Variants in PDE3B observed in about 807,000 individuals in gnomAD.
PDE3B encodes the protein cGMP-inhibited 3',5'-cyclic phosphodiesterase 3B.
A neutral mutation model predicts 116.8 loss-of-function variants in PDE3B; 66 were observed. The observed-to-expected ratio is 0.56, with a 90% CI of 0.46 to 0.69. The LOEUF is 0.69. Ranked by LOEUF, PDE3B falls within the 30% of genes least tolerant of loss-of-function variation. The pLI is 0.00. For synonymous variants in PDE3B, 595 were observed against 533.6 expected (o/e 1.12, Z -1.59); for missense variants, 1,384 against 1,368.1 (o/e 1.01, Z -0.18).
intron 7 of PDE3B, among the ~76,000 whole-genome samples, chr11:14,826,824 C>T (rs573634900): frequency 7.2e-5 from 11 of 152,158 alleles, no homozygotes; most frequent in African/African-American, 2.6e-4. Flanking sequence ...TACTATGAGG[C>T]CAGCATCATT....
chr11:14,648,824 T>G (rs1853486008), intron 1 of PDE3B, among the ~76,000 whole-genome samples: 1 of 152,132 alleles, frequency 6.6e-6, no homozygotes, highest in South Asian at 2.1e-4. Flanking sequence ...TTCTAGCTAT[T>G]TGAGGGCTGC....
intron 1 of PDE3B, among the ~76,000 whole-genome samples, chr11:14,670,097 G>T (rs1448914078): frequency 6.6e-6 from 1 of 152,068 alleles, no homozygotes; most frequent in African/African-American, 2.4e-5. Flanking sequence ...ACACATAGCG[G>T]CTTAGTGCAA....
At chr11:14,715,731 T>G (rs1855859403) in intron 1 of PDE3B, among the ~76,000 whole-genome samples, 1 of 152,228 alleles carries the variant, frequency 6.6e-6, no homozygotes, top group Admixed American at 6.5e-5. Context: ...CCTCTTTTCC[T>G]AATTGAACAC....
intron 1 of PDE3B, among the ~76,000 whole-genome samples, chr11:14,750,331 C>T (rs1857025006): frequency 6.6e-6 from 1 of 151,840 alleles, no homozygotes; most frequent in African/African-American, 2.4e-5. Context: ...AATTTGTATC[C>T]TTATATTTAC....
At chr11:14,880,669 G>C in the PDE3B span, 182 of 1,597,596 alleles carry the variant, frequency 1.1e-4, no homozygotes, top group African/African-American at 2.2e-3. Context: ...CAAGATTTTA[G>C]ATTCAAAAGA....
chr11:14,662,539 CAAAG>C lies in PDE3B; in HGVS notation c.978+17489_978+17492del, dbSNP rs1176543919. Among the ~76,000 whole-genome samples the C allele has an allele frequency of 2.0e-5, 3 of 151,904 alleles. No individual in the cohort carries two copies. The East Asian group carries it at 5.8e-4, about 29-fold the overall frequency. On this transcript the variant is annotated intron_variant, in intron 1 of 15. Coordinates refer to ENST00000282096, the MANE Select transcript of PDE3B (RefSeq NM_000922.4). ...TACAGGAAGAAATTCAAACCAAAGG[CAAAG>C]AAGTTGAAAACTTTGAAAAAAATTT...
intron 1 of PDE3B, among the ~76,000 whole-genome samples, chr11:14,762,329 G>T (rs1032282828): frequency 2.0e-5 from 3 of 152,100 alleles, no homozygotes; most frequent in African/African-American, 7.2e-5. Flanking sequence ...CATATTTTAA[G>T]TGCTGCTTTA....
chr11:14,850,681 T>G (rs1847726935), intron 12 of PDE3B, among the ~76,000 whole-genome samples: 3 of 152,304 alleles, frequency 2.0e-5, no homozygotes, highest in Middle Eastern at 3.4e-3. Context: ...TTCTGGTATA[T>G]TATTTTTGTA....
intron 1 of PDE3B, among the ~76,000 whole-genome samples, chr11:14,733,056 A>G (rs1856503762): frequency 6.6e-6 from 1 of 152,216 alleles, no homozygotes; most frequent in African/African-American, 2.4e-5. Flanking sequence ...AAATCGATAT[A>G]CCTATTTTTT....
chr11:14,880,061 C>T, the PDE3B span: 1 of 1,488,492 alleles, frequency 6.7e-7, no homozygotes, highest in Non-Finnish European at 9.3e-7. Context: ...ATGTATTGTG[C>T]ATGGCCAAGA....
intron 14 of PDE3B, among the ~76,000 whole-genome samples, chr11:14,866,754 C>A (rs1648230104): frequency 6.6e-6 from 1 of 152,098 alleles, no homozygotes; most frequent in South Asian, 2.1e-4. Context: ...TTAATAGTAC[C>A]ATTTGGAGAA....
At chr11:14,860,916 TATATAC>T (rs2059279234) in intron 13 of PDE3B, among the ~76,000 whole-genome samples, 2 of 113,602 alleles carry the variant, frequency 1.8e-5, no homozygotes, top group Admixed American at 1.9e-4. Context: ...CATATATATA[TATATAC>T]ACACACACAC....
intron 7 of PDE3B, 106 bp from the exon 8 acceptor site, chr11:14,830,592 T>C (rs574893418): frequency 2.2e-4 from 104 of 481,364 alleles, no homozygotes; most frequent in African/African-American, 2.0e-3. Flanking sequence ...TTGAACTCCA[T>C]TATGATTCAT....
intron 1 of PDE3B, among the ~76,000 whole-genome samples, chr11:14,762,320 A>G (rs1452933959): frequency 2.0e-5 from 3 of 152,174 alleles, no homozygotes; most frequent in Non-Finnish European, 4.4e-5. Context: ...TCCTTAATGC[A>G]TATTTTAAGT....
chr11:14,759,152 C>T (rs1857279445), intron 1 of PDE3B, among the ~76,000 whole-genome samples: 1 of 152,100 alleles, frequency 6.6e-6, no homozygotes, highest in Non-Finnish European at 1.5e-5. Flanking sequence ...TTTTGATGTG[C>T]TGCTGGATTC....
the PDE3B span, chr11:14,891,914 AG>A: frequency 7.1e-6 from 11 of 1,556,612 alleles, no homozygotes; most frequent in Non-Finnish European, 9.6e-6. Context: ...AAGTCCAACC[AG>A]GAAGGCCCTG....
chr11:14,751,111 C>G (rs1754947527), intron 1 of PDE3B, among the ~76,000 whole-genome samples: 1 of 152,132 alleles, frequency 6.6e-6, no homozygotes, highest in Non-Finnish European at 1.5e-5. Flanking sequence ...CACATTTAGT[C>G]AGAAACATTG....
chr11:14,663,334 G>T (rs909127004), intron 1 of PDE3B, among the ~76,000 whole-genome samples: 12 of 152,122 alleles, frequency 7.9e-5, no homozygotes, highest in African/African-American at 2.9e-4. Context: ...GGAACAACCG[G>T]TACCAGCCCC....
intron 1 of PDE3B, among the ~76,000 whole-genome samples, chr11:14,755,327 G>GTATTTCAAAATC (rs1187795869): frequency 6.6e-6 from 1 of 152,080 alleles, no homozygotes. Context: ...GGGATTTTCC[G>GTATTTCAAAATC]TATTTCAAAA....
Sources: allele counts gnomAD v4.1 joint callset (sites outside exome capture counted in the v4.1 genomes callset), GRCh38; gene constraint gnomAD v4.1.1; transcripts MANE v1.5; gene names NCBI Gene and HGNC (gene_info 2026-07-23, HGNC 2026-07-21).